CDH13: variants seen among roughly 807,000 people sequenced by gnomAD.
CDH13 encodes cadherin-13.
In CDH13, 24 loss-of-function variants were observed where a neutral mutation model predicts 63.8. The ratio of observed to expected loss-of-function variants is 0.38; its 90% CI spans 0.27 to 0.53. CDH13 has a LOEUF of 0.53. Among genes scored for constraint, CDH13 ranks in the 20% least tolerant of loss-of-function variants. CDH13 has a pLI of 0.85. For synonymous variants in CDH13, 503 were observed against 355.3 expected (o/e 1.42, Z -4.67); for missense variants, 1,049 against 903.1 (o/e 1.16, Z -2.07).
At chr16:83,161,979 A>C (rs934576113) in intron 4 of CDH13, among the ~76,000 whole-genome samples, 1 of 152,234 alleles carries the variant, frequency 6.6e-6, no homozygotes, top group African/African-American at 2.4e-5. Context: ...TATCAGTGCC[A>C]AATTCTCTCA....
At chr16:83,118,081 A>G (rs2035394220) in intron 3 of CDH13, among the ~76,000 whole-genome samples, 2 of 152,158 alleles carry the variant, frequency 1.3e-5, no homozygotes, top group South Asian at 4.1e-4. Context: ...TGATGGAAGC[A>G]AGGCTGGATG....
At chr16:83,604,245 A>G (rs1908118083) in intron 8 of CDH13, among the ~76,000 whole-genome samples, 1 of 152,048 alleles carries the variant, frequency 6.6e-6, no homozygotes, top group Non-Finnish European at 1.5e-5. Context: ...AGCAAAGTCC[A>G]CGGGAGCTTG....
rs373480165 is a variant in CDH13 at position 83,582,865 on chromosome 16, A to C, written c.961-19589A>C. On this transcript the variant is annotated intron_variant, in intron 7 of 13. Transcript: ENST00000567109. ...GCCTGAACTCTAAGAAGCATGGTCC[A>C]TCCACTGAGCAGAATGGCCATTGGT... Among the ~76,000 whole-genome samples the C allele has an allele frequency of 3.3e-5, 5 of 152,348 alleles. No individual in the cohort carries two copies. In the East Asian group the frequency reaches 9.6e-4, roughly 29 times the overall value.
chr16:82,742,041 TCAGCCCGG>T (rs1367959167), intron 1 of CDH13, among the ~76,000 whole-genome samples: 12 of 152,194 alleles, frequency 7.9e-5, no homozygotes, highest in African/African-American at 2.9e-4. Context: ...TCTTACAATA[TCAGCCCGG>T]TTATATAAAA....
intron 7 of CDH13, among the ~76,000 whole-genome samples, chr16:83,527,237 C>T (rs555860857): frequency 6.6e-6 from 1 of 151,902 alleles, no homozygotes; most frequent in Non-Finnish European, 1.5e-5. Context: ...ATCACGAGGT[C>T]GGGAGATGGA....
At chr16:83,567,020 G>C (rs1173800878) in intron 7 of CDH13, among the ~76,000 whole-genome samples, 1 of 152,146 alleles carries the variant, frequency 6.6e-6, no homozygotes, top group Non-Finnish European at 1.5e-5. Flanking sequence ...GTGTCATACA[G>C]TTCTAGGCTC....
At chr16:83,287,596 C>A (rs1170846689) in intron 5 of CDH13, among the ~76,000 whole-genome samples, 2 of 152,182 alleles carry the variant, frequency 1.3e-5, no homozygotes, top group African/African-American at 2.4e-5. Flanking sequence ...TCTCCCATCA[C>A]CCCCGGATGG....
chr16:83,200,568 A>G lies in CDH13; in HGVS notation c.484-16777A>G, dbSNP rs80077795. On this transcript the variant is annotated intron_variant, in intron 4 of 13. Transcript: ENST00000567109. ...CCTTGTGGGTTAGAATTCACCACAC[A>G]ACATGATCTCATTAGGAGTCATCAC... Among the ~76,000 whole-genome samples the G allele has an allele frequency of 5.4e-3, 821 of 152,334 alleles. 9 individuals carry two copies. Among genetic ancestry groups the G allele is most frequent in the African/African-American group, 0.019 (785 of 41,576 alleles).
At chr16:83,015,720 TATAA>T (rs1567747128) in intron 2 of CDH13, among the ~76,000 whole-genome samples, 3 of 121,978 alleles carry the variant, frequency 2.5e-5, no homozygotes, top group Non-Finnish European at 3.4e-5. Context: ...TATATATATA[TATAA>T]AGAAAAAGCA....
At position 82,837,357 on chromosome 16, in the gene CDH13, C is replaced by G. The variant is rs369960342; in HGVS notation, c.46-21005C>G. 2.6e-4 allele frequency among the ~76,000 whole-genome samples: 40 copies of G among 152,204 alleles called. No individual in the cohort carries two copies. In the East Asian group the frequency reaches 6.2e-3, roughly 24 times the overall value. On this transcript the variant is annotated intron_variant, in intron 1 of 13. Transcript: ENST00000567109. ...AAGTGCTCCCCCCTGGTTTCTGGCA[C>G]AGAACAAATGAATGAAATTCAGATC...
intron 1 of CDH13, among the ~76,000 whole-genome samples, chr16:82,843,012 C>T (rs559600504): frequency 3.3e-5 from 5 of 152,256 alleles, no homozygotes; most frequent in East Asian, 1.9e-4. Context: ...CTCATGGGCC[C>T]GCCACTCACC....
In CDH13 at chr16:83,529,249, A is replaced by C. The variant is rs543150334; in HGVS notation, c.960+42594A>C. Among the ~76,000 whole-genome samples, 821 of 152,300 alleles carry C rather than the reference A, an allele frequency of 5.4e-3. 7 individuals carry two copies. Among genetic ancestry groups the C allele is most frequent in the African/African-American group, 0.019 (791 of 41,558 alleles). Reference sequence around the variant, plus strand: ...TCCAGTGTACGTGGATTGGAATCCTAGCTTTGCAGTGTACAAGCTAATTGG... The same window carrying C: ...TCCAGTGTACGTGGATTGGAATCCTCGCTTTGCAGTGTACAAGCTAATTGG... On this transcript the variant is annotated intron_variant, in intron 7 of 13. Transcript: ENST00000567109.
chr16:82,673,853 C>G (rs1326384158), intron 1 of CDH13, among the ~76,000 whole-genome samples: 1 of 152,196 alleles, frequency 6.6e-6, no homozygotes, highest in Non-Finnish European at 1.5e-5. Flanking sequence ...ACTGTATGGG[C>G]AGCAACTCCA....
At chr16:83,171,897 T>G (rs2037936008) in intron 4 of CDH13, among the ~76,000 whole-genome samples, 1 of 152,182 alleles carries the variant, frequency 6.6e-6, no homozygotes, top group Non-Finnish European at 1.5e-5. Context: ...TCTCAAAATC[T>G]GTCCCTCTGC....
At chr16:83,434,695 G>T (rs1432175344) in intron 6 of CDH13, among the ~76,000 whole-genome samples, 1 of 151,676 alleles carries the variant, frequency 6.6e-6, no homozygotes, top group East Asian at 1.9e-4. Context: ...TCCCAGCCCT[G>T]CCGATGTCAC....
chr16:82,909,592 G>A (rs971410398), intron 2 of CDH13, among the ~76,000 whole-genome samples: 4 of 152,112 alleles, frequency 2.6e-5, no homozygotes, highest in Admixed American at 2.0e-4. Context: ...AGGCAAATGA[G>A]GAGCAACGTC....
chr16:83,072,430 C>T (rs1018993201), intron 3 of CDH13, among the ~76,000 whole-genome samples: 2 of 152,124 alleles, frequency 1.3e-5, no homozygotes, highest in Admixed American at 6.6e-5. Context: ...ATTAGTTTTT[C>T]CTGGAGGATT....
chr16:83,084,617 A>G lies in CDH13; in HGVS notation c.367-40768A>G, dbSNP rs2151569785. Among the ~76,000 whole-genome samples, 3 of 152,356 alleles carry G rather than the reference A, an allele frequency of 2.0e-5. No homozygotes were observed. In the East Asian group the frequency reaches 5.8e-4, roughly 29 times the overall value. On this transcript the variant is annotated intron_variant, in intron 3 of 13. Coordinates refer to ENST00000567109, the MANE Select transcript of CDH13 (RefSeq NM_001257.5). Reference sequence around the variant, plus strand: ...TAAAATAGCTTAAGTACCCAGGTGCAGTGGCTCATGCCTGTAATCCCAACA... The same window carrying G: ...TAAAATAGCTTAAGTACCCAGGTGCGGTGGCTCATGCCTGTAATCCCAACA...
chr16:83,567,388 A>C (rs1243108251), intron 7 of CDH13, among the ~76,000 whole-genome samples: 1 of 152,222 alleles, frequency 6.6e-6, no homozygotes, highest in Non-Finnish European at 1.5e-5. Context: ...TCCAGGGCGT[A>C]CCTGTAAAAT....
Sources: gnomAD v4.1 joint callset for allele counts (sites outside exome capture counted in the v4.1 genomes callset) on GRCh38, gnomAD v4.1.1 for gene constraint, MANE v1.5 for transcripts, NCBI Gene and HGNC (gene_info 2026-07-23, HGNC 2026-07-21) for gene names.